The following NGFR variants were observed in gnomAD, a reference collection of about 807,000 sequenced individuals.
NGFR encodes nerve growth factor receptor.
NGFR carries 30 observed loss-of-function variants against 43.2 expected under a neutral mutation model. The observed-to-expected ratio is 0.69, with a 90% CI of 0.52 to 0.94. The LOEUF is 0.94. NGFR is among the 40% of genes least tolerant of loss of function. The pLI, the probability that NGFR is intolerant of heterozygous loss-of-function variation, is 0.00. For synonymous variants in NGFR, 246 were observed against 259.6 expected (o/e 0.95, Z 0.50); for missense variants, 529 against 602.5 (o/e 0.88, Z 1.28).
chr17:49,508,761 G>A (rs11466145), intron 3 of NGFR, among the ~76,000 whole-genome samples: 2,494 of 152,220 alleles, frequency 0.016, 69 homozygotes, highest in African/African-American at 0.056. Flanking sequence ...CCCCGCCCCC[G>A]TCAGAGGGGA....
intron 3 of NGFR, 46 bp downstream of exon 3, chr17:49,506,704 G>GGGGGGGGC: frequency 5.4e-6 from 4 of 737,234 alleles, no homozygotes; most frequent in African/African-American, 1.9e-5. Flanking sequence ...GCGGGGGTGG[G>GGGGGGGGC]CTGGGGGCAT....
intron 4 of NGFR, chr17:49,510,878 C>G: frequency 1.7e-6 from 1 of 592,232 alleles, no homozygotes; most frequent in Non-Finnish European, 3.0e-6. Context: ...CTCTCCTGCC[C>G]TGTCCTGGCT....
intron 3 of NGFR, among the ~76,000 whole-genome samples, chr17:49,510,128 C>T (rs1313774062): frequency 2.0e-5 from 3 of 152,112 alleles, no homozygotes; most frequent in Non-Finnish European, 4.4e-5. Flanking sequence ...TCTTAATAGC[C>T]CCATTAGATA....
At chr17:49,496,554 C>CCGCA (rs2071139177) in intron 1 of NGFR, 1 of 152,304 alleles carries the variant, frequency 6.6e-6, no homozygotes, top group African/African-American at 2.4e-5. Flanking sequence ...GCTCTGGCTA[C>CCGCA]GCAGGCGGGA....
intron 2 of NGFR, among the ~76,000 whole-genome samples, chr17:49,504,769 C>CTTTCTT (rs2071186581): frequency 2.8e-4 from 31 of 110,930 alleles, no homozygotes; most frequent in African/African-American, 4.6e-4. Context: ...TTCTTTCTTT[C>CTTTCTT]TTTTTTTTTT....
intron 1 of NGFR, among the ~76,000 whole-genome samples, chr17:49,501,055 G>A (rs753018854): frequency 3.9e-5 from 6 of 152,224 alleles, no homozygotes; most frequent in Non-Finnish European, 8.8e-5. Context: ...AGGCTTTGGA[G>A]TTTTATTAGA....
chr17:49,508,359 A>AC (rs1007264631), intron 3 of NGFR, among the ~76,000 whole-genome samples: 39 of 152,232 alleles, frequency 2.6e-4, no homozygotes, highest in African/African-American at 8.4e-4. Flanking sequence ...CCTCTCAGAT[A>AC]CCAGCCCACT....
intron 2 of NGFR, among the ~76,000 whole-genome samples, chr17:49,504,769 CTTTTTTTT>C (rs67010321): frequency 9.0e-6 from 1 of 110,930 alleles, no homozygotes. Flanking sequence ...TTCTTTCTTT[CTTTTTTTT>C]TTTTTTTTTT....
At chr17:49,496,402 G>T (rs1597858068) in intron 1 of NGFR, 1 of 152,348 alleles carries the variant, frequency 6.6e-6, no homozygotes, top group Middle Eastern at 3.4e-3. Context: ...CTCCTCCGAC[G>T]CGCGTGTTCT....
rs2071239028 is a variant in NGFR at position 49,512,364 on chromosome 17, G to A, written c.982+312G>A. On this transcript the variant is annotated intron_variant, in intron 5 of 5. Transcript: ENST00000172229. The surrounding 1 kb of genome is among the most constrained non-coding windows in gnomAD (Gnocchi z 5.2). ...GCCCTGGACTTCTGGGGAACAAGTA[G>A]TTAAGTGTGTACCCTAATTAGTGGC... is the stretch of plus-strand genomic sequence containing the variant. Among the ~76,000 whole-genome samples the A allele has an allele frequency of 6.6e-6, 1 of 152,234 alleles. No homozygotes were observed. The highest frequency in any genetic ancestry group is 1.5e-5 in the Non-Finnish European group (1 of 68,044).
At chr17:49,511,115 T>TA (rs34854378) in intron 4 of NGFR, 4,096 of 129,824 alleles carry the variant, frequency 0.032, 163 homozygotes, top group African/African-American at 0.1. Flanking sequence ...CCATTCTTTC[T>TA]AAAAAAAAAA....
At position 49,506,386 on chromosome 17, in the gene NGFR, G is replaced by A; in HGVS notation, c.296G>A (p.Cys99Tyr). 1.9e-6 allele frequency: 3 copies of A among 1,602,254 alleles called. No individual in the cohort carries two copies. The highest frequency in any genetic ancestry group is 2.5e-6 in the Non-Finnish European group (3 of 1,177,428). Residue 99 changes from cysteine to tyrosine, a missense_variant, in exon 3 of 6, where the codon TGC becomes TAC. Coordinates refer to ENST00000172229, the MANE Select transcript of NGFR (RefSeq NM_002507.4). ...CVGLQSMSAP[C>Y]VEADDAVCRC... Reference sequence around the variant, plus strand: ...GGGCTCCAGAGCATGTCGGCGCCGTGCGTGGAGGCCGACGACGCCGTGTGC... The same window carrying A: ...GGGCTCCAGAGCATGTCGGCGCCGTACGTGGAGGCCGACGACGCCGTGTGC...
At chr17:49,497,621 G>A (rs2071146365) in intron 1 of NGFR, 1 of 152,340 alleles carries the variant, frequency 6.6e-6, no homozygotes, top group African/African-American at 2.4e-5. Flanking sequence ...GGATGGCTGT[G>A]CGCGGTCCGA....
intron 4 of NGFR, chr17:49,510,872 C>T (rs750349710): frequency 8.3e-5 from 50 of 599,534 alleles, no homozygotes; most frequent in Non-Finnish European, 1.4e-4. Context: ...CCTGTCCTCT[C>T]CTGCCCTGTC....
chr17:49,507,936 G>C (rs1310812152), intron 3 of NGFR, among the ~76,000 whole-genome samples: 2 of 152,210 alleles, frequency 1.3e-5, no homozygotes, highest in Non-Finnish European at 1.5e-5. Context: ...TTAGCACCCA[G>C]ATCTCCTGCC....
chr17:49,504,172 T>C (rs952734561), intron 2 of NGFR, among the ~76,000 whole-genome samples: 1 of 152,206 alleles, frequency 6.6e-6, no homozygotes, highest in Non-Finnish European at 1.5e-5. Context: ...AGCCCCTGCC[T>C]TCATTCTCTG....
At chr17:49,501,999 A>AGGGGGGCCCCCCCCCCCCCCCCCCCCC in intron 1 of NGFR, 64 bp from the exon 2 acceptor site, 1 of 330,982 alleles carries the variant, frequency 3.0e-6, no homozygotes. Context: ...TCCCCGGAAG[A>AGGGGGGCCCCCCCCCCCCCCCCCCCCC]ACCCCCCCCA....
chr17:49,501,761 C>T (rs1014174978), intron 1 of NGFR, among the ~76,000 whole-genome samples: 17 of 152,238 alleles, frequency 1.1e-4, no homozygotes, highest in African/African-American at 4.1e-4. Context: ...TGGCCACCTT[C>T]CCCATGTGGT....
At chr17:49,506,843 T>C (rs748441680) in intron 3 of NGFR, among the ~76,000 whole-genome samples, 185 bp downstream of exon 3, 11 of 152,196 alleles carry the variant, frequency 7.2e-5, no homozygotes, top group Non-Finnish European at 1.6e-4. Flanking sequence ...GAGGAGGTCA[T>C]TCCCCATCCT....
Sources: allele counts gnomAD v4.1 joint callset (sites outside exome capture counted in the v4.1 genomes callset), GRCh38; gene constraint gnomAD v4.1.1; non-coding constraint Gnocchi (gnomAD v3.1); transcripts MANE v1.5; gene names NCBI Gene and HGNC (gene_info 2026-07-23, HGNC 2026-07-21).